Variants in TTN observed in about 807,000 individuals in gnomAD.
The protein encoded by TTN is titin, also known as connectin.
In TTN, 1,525 loss-of-function variants were observed where a neutral mutation model predicts 3,223.0. The observed-to-expected ratio is 0.47, with a 90% CI of 0.45 to 0.49. TTN has a LOEUF of 0.49. Among genes scored for constraint, TTN ranks in the 20% least tolerant of loss-of-function variants. The pLI is 0.00. For missense variants in TTN, 40,786 were observed against 43,424.0 expected (o/e 0.94, Z 5.40); for synonymous variants, 14,094 against 15,161.0 (o/e 0.93, Z 5.17).
At chr2:178,665,356 A>G (rs1321765725) in intron 165 of TTN, 21 bp downstream of exon 165, 2 of 1,603,244 alleles carry the variant, frequency 1.2e-6, no homozygotes, top group African/African-American at 1.3e-5. Context: ...CTTCTTCCAC[A>G]TTTGTTCAGA....
At chr2:178,683,865 A>C (rs571553316) in intron 133 of TTN, 134 bp downstream of exon 133, 14 of 533,862 alleles carry the variant, frequency 2.6e-5, no homozygotes, top group Non-Finnish European at 4.3e-5. Context: ...TTTTGAAGTG[A>C]TATGCATTAA....
Position 178,677,730 on chromosome 2 carries a change from C to T in TTN, c.34182G>A (p.Glu11394=), listed in dbSNP as rs751757078. ...CTTCTTCGGGAGGAACTTCCTCTTC[C>T]TCAGGTGGAATTTCCTCTTCTTCAG... ...VLPEEEEIPP[E]EEEVPPEEEY... The change falls in exon 146 of 363, where the codon GAG becomes GAA. Residue 11394 remains glutamate, a synonymous_variant. Coordinates refer to ENST00000589042, the MANE Select transcript of TTN (RefSeq NM_001267550.2). 6.2e-7 allele frequency: 1 copy of T among 1,612,660 alleles called. No individual in the cohort carries two copies. The highest frequency in any genetic ancestry group is 8.5e-7 in the Non-Finnish European group (1 of 1,179,118).
chr2:178,547,311 T>C lies in TTN; in HGVS notation c.94220-6A>G, dbSNP rs376900895. The C allele has an allele frequency of 5.0e-6, 8 of 1,597,420 alleles. No individual in the cohort carries two copies. The highest frequency in any genetic ancestry group is 2.7e-5 in the African/African-American group (2 of 74,128). On this transcript the variant is annotated splice_polypyrimidine_tract_variant and splice_region_variant and intron_variant, in intron 339 of 362. Coordinates refer to ENST00000589042, the MANE Select transcript of TTN (RefSeq NM_001267550.2). ...GGTAGGAGCGCTTGGTGGGACTAAATATAAACAAAGGTATTAAGTATGAAT... is the reference window on the plus strand; with the variant it reads ...GGTAGGAGCGCTTGGTGGGACTAAACATAAACAAAGGTATTAAGTATGAAT...
Position 178,552,613 on chromosome 2 carries a change from T to TGTC in TTN, c.90286_90287insGAC (p.Glu30095_Gln30096insArg). On this transcript the variant is annotated inframe_insertion, in exon 335 of 363. Coordinates refer to ENST00000589042, the MANE Select transcript of TTN (RefSeq NM_001267550.2). ...AAACACTCTGAACTCCAGGACTGAC[T>TGTC]GCTCCTTAAGTTGGCTAACCTCAAT... 6.2e-7 allele frequency: 1 copy of TGTC among 1,613,938 alleles called. No homozygotes were observed. Among genetic ancestry groups the TGTC allele is most frequent in the Non-Finnish European group, 8.5e-7 (1 of 1,179,840 alleles).
intron 220 of TTN, 103 bp from the exon 221 acceptor site, chr2:178,640,733 T>TA: frequency 5.7e-6 from 5 of 882,260 alleles, no homozygotes; most frequent in South Asian, 1.6e-5. Context: ...GATGGTTTTT[T>TA]AAAAAACCTT....
In TTN at chr2:178,634,509, A is replaced by G; in HGVS notation, c.42272T>C (p.Ile14091Thr). 6.2e-7 allele frequency: 1 copy of G among 1,613,350 alleles called. No individual in the cohort carries two copies. Among genetic ancestry groups the G allele is most frequent in the Non-Finnish European group, 8.5e-7 (1 of 1,179,522 alleles). The part of the protein sequence containing the change: ...ANVIWSKGPD[I>T]IKSSDKFDII... ...ATCAAATTTGTCAGATGACTTAATT[A>G]TATCAGGTCCTTTGGACCATATAAC... Residue 14091 changes from isoleucine (I) to threonine (T), a missense_variant, in exon 230 of 363, where the codon ATA becomes ACA. Physicochemically the swap from Ile to Thr is moderately conservative, Grantham distance 89 (BLOSUM62 -1). Coordinates refer to ENST00000589042, the MANE Select transcript of TTN (RefSeq NM_001267550.2). This position sits in a 1 kb window ranked among gnomAD's most constrained non-coding sequence, Gnocchi z 4.6.
Position 178,551,068 on chromosome 2 carries a change from G to A in TTN, c.91463C>T (p.Pro30488Leu), listed in dbSNP as rs868503876. 1 of 1,613,346 alleles carries A rather than the reference G, an allele frequency of 6.2e-7. No homozygotes were observed. The highest frequency in any genetic ancestry group is 1.3e-5 in the African/African-American group (1 of 74,968). ...ECQYTVTGLS[P>L]GDRYEFRIIA... ...TATTCTGAACTCATAGCGATCCCCA[G>A]GACTGAGTCCTGTAACTGTGTACTG... is the stretch of plus-strand genomic sequence containing the variant. Residue 30488 changes from proline to leucine, a missense_variant, in exon 336 of 363, where the codon CCT (proline) becomes CTT (leucine). By Grantham distance (98) the Pro-to-Leu change is moderately conservative. Coordinates refer to ENST00000589042, the MANE Select transcript of TTN (RefSeq NM_001267550.2).
intron 13 of TTN, among the ~76,000 whole-genome samples, chr2:178,787,629 AAAAGAAACTGTC>A (rs2093272712): frequency 6.6e-6 from 1 of 152,148 alleles, no homozygotes; most frequent in Non-Finnish European, 1.5e-5. Context: ...TAACAATGAT[AAAAGAAACTGTC>A]AAAGAAACTG....
chr2:178,532,271 G>A lies in TTN; in HGVS notation c.104344C>T (p.His34782Tyr). ...AGTTCGCTTTTGTATTCTGAGAGAT[G>A]CTGGGTGGTCGTAACTGGGCGAAGC... ...ELLRPVTTTQ[H>Y]LSEYKSELDF... is the part of the protein sequence containing the mutation. The change falls in exon 358 of 363, where the codon CAT becomes TAT. Residue 34782 changes from histidine (H) to tyrosine (Y), a missense_variant. Physicochemically the swap from His to Tyr is moderately conservative, Grantham distance 83. Coordinates refer to ENST00000589042, the MANE Select transcript of TTN (RefSeq NM_001267550.2). The A allele has an allele frequency of 6.2e-7, 1 of 1,613,846 alleles. No homozygotes were observed. Among genetic ancestry groups the A allele is most frequent in the Non-Finnish European group, 8.5e-7 (1 of 1,179,882 alleles).
intron 149 of TTN, 66 bp downstream of exon 149, chr2:178,675,605 C>G (rs1405842140): frequency 1.7e-6 from 2 of 1,189,044 alleles, no homozygotes; most frequent in African/African-American, 1.6e-5. Flanking sequence ...GTTGAGTGTC[C>G]TGTGTGGATA....
intron 114 of TTN, among the ~76,000 whole-genome samples, 184 bp downstream of exon 114, chr2:178,695,681 T>A (rs952657825): frequency 8.6e-5 from 13 of 151,986 alleles, no homozygotes; most frequent in African/African-American, 3.1e-4. Context: ...ATTTAGCTTG[T>A]AATGTCAAAG....
chr2:178,543,888 C>T lies in TTN; in HGVS notation c.96256G>A (p.Glu32086Lys), dbSNP rs775945524. The change falls in exon 346 of 363, where the codon GAA (glutamate) becomes AAA (lysine). Residue 32086 changes from glutamate (E) to lysine (K), a missense_variant. Coordinates refer to ENST00000589042, the MANE Select transcript of TTN (RefSeq NM_001267550.2). ...TTCTTGCCAGATTGGTTTTCAGCTT[C>T]AATTGTGTATTTTCCAGCATCGTAC... Reference protein sequence around the residue: ...NRYDAGKYTIEAENQSGKKSA... With the variant: ...NRYDAGKYTIKAENQSGKKSA... The T allele has an allele frequency of 1.2e-6, 2 of 1,613,612 alleles. No individual in the cohort carries two copies. The highest frequency in any genetic ancestry group is 1.3e-5 in the African/African-American group (1 of 74,990).
rs1696865626 is a variant in TTN at position 178,545,879 on chromosome 2, T to C, written c.95357A>G (p.Asn31786Ser). Residue 31786 changes from asparagine (N) to serine (S), a missense_variant, in exon 343 of 363, where the codon AAC becomes AGC. Transcript: ENST00000589042. ...AACAGGCACACCAGGGCCATATTTGTTTACTGCCCTCACTCGGAATATGTA... is the reference window on the plus strand; with the variant it reads ...AACAGGCACACCAGGGCCATATTTGCTTACTGCCCTCACTCGGAATATGTA... Reference protein sequence around the residue: ...NEYIFRVRAVNKYGPGVPVES... With the variant: ...NEYIFRVRAVSKYGPGVPVES... 6.2e-7 allele frequency: 1 copy of C among 1,613,908 alleles called. No homozygotes were observed. Among genetic ancestry groups the C allele is most frequent in the Non-Finnish European group, 8.5e-7 (1 of 1,179,796 alleles).
In TTN at chr2:178,533,623, T is replaced by C. The variant is rs765213170; in HGVS notation, c.102992A>G (p.Tyr34331Cys). The C allele has an allele frequency of 1.1e-5, 18 of 1,613,898 alleles. No homozygotes were observed. Among genetic ancestry groups the C allele is most frequent in the Non-Finnish European group, 1.4e-5 (16 of 1,179,888 alleles). Residue 34331 changes from tyrosine to cysteine, a missense_variant, in exon 358 of 363, where the codon TAT becomes TGT. Physicochemically the swap from Tyr to Cys is radical, Grantham distance 194. Transcript: ENST00000589042. ...NSVTTDDDAE[Y>C]TVVARNKYGE... ...ATATTTGTTCCTTGCCACAACAGTA[T>C]ATTCAGCGTCATCATCTGTAGTGAC...
Position 178,539,834 on chromosome 2 carries a change from T to C in TTN, c.98231A>G (p.Asp32744Gly), listed in dbSNP as rs1177553110. Residue 32744 changes from aspartate to glycine, a missense_variant, in exon 352 of 363, where the codon GAT (aspartate) becomes GGT (glycine). Asp to Gly is a moderately conservative substitution (Grantham distance 94). Coordinates refer to ENST00000589042, the MANE Select transcript of TTN (RefSeq NM_001267550.2). Reference protein sequence around the residue: ...PICKWTKEGQDISKRAMIATS... With the variant: ...PICKWTKEGQGISKRAMIATS... ...TGCAATCATGGCACGCTTACTAATA[T>C]CCTGGCCTTCCTTGGTCCATTTACA... The C allele has an allele frequency of 4.3e-6, 7 of 1,613,746 alleles. No homozygotes were observed. Among genetic ancestry groups the C allele is most frequent in the Admixed American group, 1.7e-5 (1 of 59,986 alleles).
At position 178,651,496 on chromosome 2, in the gene TTN, C is replaced by T; in HGVS notation, c.39504G>A (p.Val13168=). Residue 13168 remains valine, a synonymous_variant, in exon 207 of 363, where the codon GTG becomes GTA. Coordinates refer to ENST00000589042, the MANE Select transcript of TTN (RefSeq NM_001267550.2). ...VPKEVVPEKK[V]PLVVPKKPEA... is the part of the protein sequence containing the mutation. The stretch of plus-strand genomic sequence containing the variant: ...CTGGCTTTTTGGGAACCACCAGAGG[C>T]ACCTTCTTTTCAGGAACAACCTCCT... 6.2e-7 allele frequency: 1 copy of T among 1,612,938 alleles called. No homozygotes were observed. Among genetic ancestry groups the T allele is most frequent in the African/African-American group, 1.3e-5 (1 of 74,958 alleles).
intron 157 of TTN, among the ~76,000 whole-genome samples, 198 bp from the exon 158 acceptor site, chr2:178,669,873 T>C (rs1474599233): frequency 6.6e-6 from 1 of 152,098 alleles, no homozygotes; most frequent in Non-Finnish European, 1.5e-5. Flanking sequence ...AGAAACACTT[T>C]GCTCTTTGGA....
Position 178,535,517 on chromosome 2 carries a change from C to T in TTN, c.101098G>A (p.Asp33700Asn). 1 of 1,613,878 alleles carries T rather than the reference C, an allele frequency of 6.2e-7. No homozygotes were observed. The change falls in exon 358 of 363, where the codon GAT (aspartate) becomes AAT (asparagine). Residue 33700 changes from aspartate (D) to asparagine (N), a missense_variant. Transcript: ENST00000589042. Reference sequence around the variant, plus strand: ...AAGTTGACAGAATCTCGTGAGACATCACTAACTTTGACTCCTCTGGGTGGG... The same window carrying T: ...AAGTTGACAGAATCTCGTGAGACATTACTAACTTTGACTCCTCTGGGTGGG... The part of the protein sequence containing the change: ...PDPPRGVKVS[D>N]VSRDSVNLTW...
chr2:178,741,728 A>G lies in TTN; in HGVS notation c.11505T>C (p.Asp3835=), dbSNP rs1344373191. Residue 3835 remains aspartate (D), a synonymous_variant, in exon 48 of 363, where the codon GAT becomes GAC. Coordinates refer to ENST00000589042, the MANE Select transcript of TTN (RefSeq NM_001267550.2). The part of the protein sequence containing the change: ...EVSNADISMG[D]VATLSVTVIG... ...TGACAGTTACAGACAGTGTAGCCACATCCCCCATGCTTATATCAGCATTTG... is the reference window on the plus strand; with the variant it reads ...TGACAGTTACAGACAGTGTAGCCACGTCCCCCATGCTTATATCAGCATTTG... The G allele has an allele frequency of 6.2e-7, 1 of 1,613,714 alleles. No homozygotes were observed. The highest frequency in any genetic ancestry group is 1.3e-5 in the African/African-American group (1 of 75,030).
Sources: gnomAD v4.1 joint callset for allele counts (sites outside exome capture counted in the v4.1 genomes callset) on GRCh38, gnomAD v4.1.1 for gene constraint, Gnocchi (gnomAD v3.1) non-coding constraint, MANE v1.5 for transcripts, NCBI Gene and HGNC (gene_info 2026-07-23, HGNC 2026-07-21) for gene names.